LRP11: variants seen among roughly 807,000 people sequenced by gnomAD.
LRP11 encodes LDL receptor related protein 11, also known as low-density lipoprotein receptor-related protein 11.
LRP11 carries 25 observed loss-of-function variants against 43.1 expected under a neutral mutation model. The ratio of observed to expected loss-of-function variants is 0.58; its 90% confidence interval spans 0.42 to 0.81. The LOEUF (loss-of-function observed/expected upper bound fraction) is 0.81, where lower values mean the gene tolerates loss of function less well. Among genes scored for constraint, LRP11 ranks in the 30% least tolerant of loss-of-function variants. LRP11 has a pLI of 0.00. For missense variants in LRP11, 623 were observed against 665.1 expected (o/e 0.94, Z 0.70); for synonymous variants, 316 against 299.4 (o/e 1.06, Z -0.57).
At chr6:149,862,553 T>C (rs1270263232) in intron 1 of LRP11, among the ~76,000 whole-genome samples, 1 of 150,200 alleles carries the variant, frequency 6.7e-6, no homozygotes, top group African/African-American at 2.4e-5. Flanking sequence ...AGAAACACGC[T>C]TTAAAGTTTC....
In LRP11 at chr6:149,818,759, A is replaced by G. The variant is rs1180022217; in HGVS notation, c.*1790T>C. The G allele has an allele frequency of 1.3e-5, 2 of 152,218 alleles. No homozygotes were observed. The highest frequency in any genetic ancestry group is 2.9e-5 in the Non-Finnish European group (2 of 68,048). The allele number at this position is 152,218 out of a possible 1,614,324, so 9.4% of individuals were successfully genotyped here. A position where few individuals can be genotyped will look rare whatever the true frequency, so the allele number is the denominator to read the frequency against. On this transcript the variant is annotated 3_prime_UTR_variant, in exon 7 of 7. Transcript: ENST00000239367. ...TAATGCAGTAACAGCTCAGTCAATA[A>G]TAGCAACTTATGATTATATTAAAAG...
At position 149,832,682 on chromosome 6, in the gene LRP11, G is replaced by A. The variant is rs1337568730; in HGVS notation, c.1252+3403C>T. Reference sequence around the variant, plus strand: ...GTTGCTCAGGCTGGAGTGCAGTGGCGCAATCTCAGCTCACTGAAAGCTCTG... The same window carrying A: ...GTTGCTCAGGCTGGAGTGCAGTGGCACAATCTCAGCTCACTGAAAGCTCTG... On this transcript the variant is annotated intron_variant, in intron 5 of 6. Coordinates refer to ENST00000239367, the MANE Select transcript of LRP11 (RefSeq NM_032832.6). Among the ~76,000 whole-genome samples the A allele has an allele frequency of 5.4e-5, 8 of 149,472 alleles. 1 individual carries two copies. The highest frequency in any genetic ancestry group is 4.2e-4 in the South Asian group (2 of 4,736).
At position 149,863,487 on chromosome 6, in the gene LRP11, G is replaced by A; in HGVS notation, c.534C>T (p.His178=). The change falls in exon 1 of 7, where the codon CAC becomes CAT. Residue 178 remains histidine, a synonymous_variant. Coordinates refer to ENST00000239367, the MANE Select transcript of LRP11 (RefSeq NM_032832.6). The stretch of plus-strand genomic sequence containing the variant: ...TGAGGCTGTAGCTGCTGTAGCCGCT[G>A]TGCAGCGCGAACTTGCAGACGTTGC... ...RGRNVCKFAL[H]SGYSSYSLSR... is the part of the protein sequence containing the mutation. 1 of 1,345,606 alleles carries A rather than the reference G, an allele frequency of 7.4e-7. No individual in the cohort carries two copies. Among genetic ancestry groups the A allele is most frequent in the Non-Finnish European group, 9.5e-7 (1 of 1,057,500 alleles). 83.4% of individuals were successfully genotyped at this position (1,345,606 alleles called of 1,614,324 possible). A position where few individuals can be genotyped will look rare whatever the true frequency, so the allele number is the denominator to read the frequency against.
In LRP11 at chr6:149,863,531, TGAA is replaced by T. The variant is rs1488697379; in HGVS notation, c.487_489del (p.Phe163del). 3.7e-6 allele frequency: 5 copies of T among 1,357,658 alleles called. No homozygotes were observed. Among genetic ancestry groups the T allele is most frequent in the Non-Finnish European group, 4.7e-6 (5 of 1,065,286 alleles). 84.1% of individuals were successfully genotyped at this position (1,357,658 alleles called of 1,614,324 possible). ...ACGTTGCGGCCGCGCGCCGTGCAGT[TGAA>T]GAGGTAGCAGCCGAGCACGGCTGCC... On this transcript the variant is annotated inframe_deletion, in exon 1 of 7. Coordinates refer to ENST00000239367, the MANE Select transcript of LRP11 (RefSeq NM_032832.6).
chr6:149,842,257 TA>T (rs1191633937), intron 3 of LRP11, among the ~76,000 whole-genome samples: 1 of 152,198 alleles, frequency 6.6e-6, no homozygotes, highest in South Asian at 2.1e-4. Context: ...CTTGTTTTTT[TA>T]ATATGTATTT....
At chr6:149,859,435 G>A (rs551925039) in intron 1 of LRP11, among the ~76,000 whole-genome samples, 2 of 92,814 alleles carry the variant, frequency 2.2e-5, no homozygotes, top group Non-Finnish European at 4.0e-5. Flanking sequence ...TTGCTCTGTC[G>A]CCCAGGCTGG....
intron 3 of LRP11, among the ~76,000 whole-genome samples, chr6:149,840,361 A>AT (rs1323670362): frequency 1.3e-5 from 2 of 152,138 alleles, no homozygotes; most frequent in Non-Finnish European, 2.9e-5. Context: ...TTTATTTTCC[A>AT]TATAAAGTTA....
At chr6:149,823,731 C>T (rs1037753576) in intron 6 of LRP11, among the ~76,000 whole-genome samples, 6 of 152,058 alleles carry the variant, frequency 3.9e-5, no homozygotes, top group Non-Finnish European at 7.4e-5. Flanking sequence ...GTCTGGTTGC[C>T]GGAGGAGGGG....
chr6:149,832,629 T>C (rs917733589), intron 5 of LRP11, among the ~76,000 whole-genome samples: 1 of 149,590 alleles, frequency 6.7e-6, no homozygotes, highest in Non-Finnish European at 1.5e-5. Context: ...ACTTTTTTTT[T>C]TTTTTTTTTG....
At chr6:149,843,726 C>G (rs1016400347) in intron 2 of LRP11, among the ~76,000 whole-genome samples, 1 of 152,192 alleles carries the variant, frequency 6.6e-6, no homozygotes, top group African/African-American at 2.4e-5. Flanking sequence ...AAAAAATTCC[C>G]TGAGCTCTAA....
At chr6:149,824,135 T>G (rs1776310404) in intron 6 of LRP11, among the ~76,000 whole-genome samples, 1 of 152,212 alleles carries the variant, frequency 6.6e-6, no homozygotes, top group African/African-American at 2.4e-5. Flanking sequence ...TCTCATGAAT[T>G]GGACCGCAAC....
chr6:149,842,643 C>T (rs1487967231), intron 3 of LRP11: 12 of 1,551,034 alleles, frequency 7.7e-6, no homozygotes, highest in South Asian at 1.2e-5. Flanking sequence ...CTTAGCTTCC[C>T]TCTTGGAACA....
At chr6:149,844,503 T>C (rs984754950) in intron 2 of LRP11, among the ~76,000 whole-genome samples, 4 of 152,326 alleles carry the variant, frequency 2.6e-5, no homozygotes, top group African/African-American at 9.6e-5. Context: ...CTTCTGAAGC[T>C]CAGCTCTGTG....
intron 5 of LRP11, among the ~76,000 whole-genome samples, chr6:149,829,828 GAATT>G (rs1776385498): frequency 6.6e-6 from 1 of 151,818 alleles, no homozygotes. Flanking sequence ...TTTTTTATTT[GAATT>G]AACTGCCTTA....
intron 5 of LRP11, among the ~76,000 whole-genome samples, chr6:149,830,660 T>A (rs1019025352): frequency 1.3e-5 from 2 of 152,208 alleles, no homozygotes; most frequent in African/African-American, 4.8e-5. Context: ...CTATGCAAAT[T>A]CTTTCTGAAT....
chr6:149,834,747 C>A (rs1462694044), intron 5 of LRP11, among the ~76,000 whole-genome samples: 1 of 152,208 alleles, frequency 6.6e-6, no homozygotes, highest in Non-Finnish European at 1.5e-5. Context: ...AAAAAGCAGA[C>A]ACTTGGCAGC....
chr6:149,859,398 T>TATATATATATATATATATA lies in LRP11; in HGVS notation c.613+4009_613+4010insTATATATATATATATATAT, dbSNP rs1562448086. ...GACTCATATATATATATATATATATTTTTTTTTTTTTTTTTTTGACCGAGT... is the reference window on the plus strand; with the variant it reads ...GACTCATATATATATATATATATATTATATATATATATATATATATTTTTTTTTTTTTTTTTGACCGAGT... On this transcript the variant is annotated intron_variant, in intron 1 of 6. Coordinates refer to ENST00000239367, the MANE Select transcript of LRP11 (RefSeq NM_032832.6). 1.4e-4 allele frequency among the ~76,000 whole-genome samples: 6 copies of TATATATATATATATATATA among 42,530 alleles called. No homozygotes were observed. The East Asian group carries it at 5.4e-3, about 38-fold the overall frequency. The allele number at this position is 42,530 out of a possible 152,430, so 27.9% of individuals were successfully genotyped here.
At chr6:149,852,583 G>T (rs1263245999) in intron 2 of LRP11, 1 of 152,766 alleles carries the variant, frequency 6.5e-6, no homozygotes, top group South Asian at 2.1e-4. Context: ...TCTACTTTCC[G>T]GCTCATGTGA....
intron 1 of LRP11, among the ~76,000 whole-genome samples, chr6:149,861,938 C>T (rs964395542): frequency 6.6e-6 from 1 of 152,206 alleles, no homozygotes; most frequent in Non-Finnish European, 1.5e-5. Context: ...ATGTCAGTTT[C>T]TTCCAGGTAA....
Sources: allele counts gnomAD v4.1 joint callset (sites outside exome capture counted in the v4.1 genomes callset), GRCh38; gene constraint gnomAD v4.1.1; transcripts MANE v1.5; gene names NCBI Gene and HGNC (gene_info 2026-07-23, HGNC 2026-07-21).